Variants in SEC24D observed in about 807,000 individuals in gnomAD.
SEC24D encodes the protein protein transport protein Sec24D.
A neutral mutation model predicts 116.9 loss-of-function variants in SEC24D; 69 were observed. That is an observed-to-expected ratio of 0.59 (90% confidence interval 0.49 to 0.72). SEC24D has a LOEUF of 0.72. SEC24D is among the 30% of genes least tolerant of loss of function. The pLI, the probability that SEC24D is intolerant of heterozygous loss-of-function variation, is 0.00. For missense variants in SEC24D, 1,131 were observed against 1,264.1 expected, an observed-to-expected ratio of 0.89 and a Z score of 1.60; for synonymous variants, 405 against 442.8, an observed-to-expected ratio of 0.91 and a Z score of 1.07.
chr4:118,788,927 C>T (rs1404713938), intron 8 of SEC24D, among the ~76,000 whole-genome samples: 1 of 152,154 alleles, frequency 6.6e-6, no homozygotes, highest in East Asian at 1.9e-4. Flanking sequence ...CAACTAAGAC[C>T]TCTATGCCCA....
chr4:118,790,928 A>C (rs1389262881), intron 8 of SEC24D, among the ~76,000 whole-genome samples: 1 of 150,206 alleles, frequency 6.7e-6, no homozygotes, highest in Non-Finnish European at 1.5e-5. Flanking sequence ...ACTAACACTG[A>C]AATAAATCAT....
At chr4:118,794,246 A>C (rs1729076348) in intron 8 of SEC24D, among the ~76,000 whole-genome samples, 1 of 152,210 alleles carries the variant, frequency 6.6e-6, no homozygotes, top group South Asian at 2.1e-4. Context: ...TCCAGAAGAC[A>C]TTAGTGAATA....
At chr4:118,821,800 C>A (rs577617769) in intron 3 of SEC24D, among the ~76,000 whole-genome samples, 1 of 152,214 alleles carries the variant, frequency 6.6e-6, no homozygotes, top group Non-Finnish European at 1.5e-5. Context: ...CCTTGCATTG[C>A]GCTACATTCA....
chr4:118,766,113 C>A (rs1024864868), intron 9 of SEC24D, among the ~76,000 whole-genome samples: 1 of 151,722 alleles, frequency 6.6e-6, no homozygotes, highest in African/African-American at 2.4e-5. Flanking sequence ...GTATAACATA[C>A]AATTCATTCA....
intron 11 of SEC24D, among the ~76,000 whole-genome samples, chr4:118,755,158 C>A (rs1727024811): frequency 6.6e-6 from 1 of 152,044 alleles, no homozygotes; most frequent in Non-Finnish European, 1.5e-5. Context: ...ACAGAACTGT[C>A]CTAAAATTTT....
intron 2 of SEC24D, among the ~76,000 whole-genome samples, chr4:118,832,611 C>T (rs1730910719): frequency 6.6e-6 from 1 of 152,204 alleles, no homozygotes; most frequent in Admixed American, 6.5e-5. Context: ...GGTGCTACTA[C>T]TTGCTGTCTG....
intron 4 of SEC24D, chr4:118,816,752 C>G (rs1029942254): frequency 1.5e-5 from 7 of 453,902 alleles, no homozygotes; most frequent in African/African-American, 1.4e-4. Flanking sequence ...ACAGGATATA[C>G]AGCATTTCTG....
intron 12 of SEC24D, 63 bp downstream of exon 12, chr4:118,752,632 AAC>A: frequency 1.4e-5 from 16 of 1,125,368 alleles, no homozygotes; most frequent in South Asian, 4.3e-5. Flanking sequence ...ATTGAATCAA[AAC>A]ACAGTGCAAT....
intron 15 of SEC24D, among the ~76,000 whole-genome samples, chr4:118,743,650 C>G (rs1726348125): frequency 1.3e-5 from 2 of 152,182 alleles, no homozygotes; most frequent in Admixed American, 1.3e-4. Context: ...AGGCATTGGG[C>G]CACTGTGCCC....
chr4:118,776,684 T>C (rs974148370), intron 8 of SEC24D, among the ~76,000 whole-genome samples: 1 of 152,198 alleles, frequency 6.6e-6, no homozygotes, highest in Non-Finnish European at 1.5e-5. Flanking sequence ...TCCAGAATCT[T>C]ATGCTTGAGC....
chr4:118,833,551 A>T, intron 2 of SEC24D, 28 bp downstream of exon 2: 2 of 1,453,662 alleles, frequency 1.4e-6, no homozygotes, highest in South Asian at 1.2e-5. Context: ...CTGAATAATC[A>T]CATACAAGTC....
intron 8 of SEC24D, among the ~76,000 whole-genome samples, chr4:118,792,814 C>A (rs1728989905): frequency 6.6e-6 from 1 of 152,208 alleles, no homozygotes; most frequent in South Asian, 2.1e-4. Flanking sequence ...TGTTTATCTG[C>A]TGACCTTCCC....
At chr4:118,745,332 T>G (rs1419348258) in intron 13 of SEC24D, among the ~76,000 whole-genome samples, 1 of 152,140 alleles carries the variant, frequency 6.6e-6, no homozygotes, top group African/African-American at 2.4e-5. Context: ...TCATAACACT[T>G]TAAAAAAACT....
chr4:118,723,044 A>G lies in SEC24D; in HGVS notation c.*471T>C, dbSNP rs974958793. The G allele has an allele frequency of 5.2e-5, 8 of 152,714 alleles. No homozygotes were observed. The highest frequency in any genetic ancestry group is 1.7e-4 in the African/African-American group (7 of 41,474). 9.5% of individuals were successfully genotyped at this position (152,714 alleles called of 1,614,324 possible). On this transcript the variant is annotated 3_prime_UTR_variant, in exon 23 of 23. Transcript: ENST00000280551. ...ATCCCAAGGTTATTAAAAGTCTGCT[A>G]TGCAGACCTTAAGTTGAAAAATGTG...
At chr4:118,770,776 C>T (rs151063663) in intron 8 of SEC24D, among the ~76,000 whole-genome samples, 1 of 152,262 alleles carries the variant, frequency 6.6e-6, no homozygotes, top group East Asian at 1.9e-4. Flanking sequence ...CATTCCAGTC[C>T]TGACAGATTC....
chr4:118,825,673 A>G (rs979609101), intron 2 of SEC24D: 2 of 418,192 alleles, frequency 4.8e-6, no homozygotes, highest in Non-Finnish European at 9.2e-6. Context: ...AGCTTCTAGA[A>G]AGAAAAAAAG....
chr4:118,741,399 C>G (rs1726216482), intron 15 of SEC24D, among the ~76,000 whole-genome samples: 1 of 152,056 alleles, frequency 6.6e-6, no homozygotes, highest in South Asian at 2.1e-4. Flanking sequence ...AGGGAAAGAC[C>G]TTGCAATTGG....
In SEC24D at chr4:118,757,723, T is replaced by C. The variant is rs1578404591; in HGVS notation, c.1419A>G (p.Pro473=). The change falls in exon 11 of 23, where the codon CCA becomes CCG. Residue 473 remains proline (P), a splice_region_variant and synonymous_variant. Transcript: ENST00000280551. ...AAAAAGAATGACGGTTGCCTTACTT[T>C]GGAATTTTTTCCAGCATGGTCTTCA... is the stretch of plus-strand genomic sequence containing the variant. ...EELKTMLEKI[P]KEEQEETSAI... is the part of the protein sequence containing the mutation. 1 of 1,605,182 alleles carries C rather than the reference T, an allele frequency of 6.2e-7. No homozygotes were observed. Among genetic ancestry groups the C allele is most frequent in the Admixed American group, 1.7e-5 (1 of 57,452 alleles).
At chr4:118,726,827 G>C (rs1473767461) in intron 22 of SEC24D, among the ~76,000 whole-genome samples, 1 of 152,132 alleles carries the variant, frequency 6.6e-6, no homozygotes, top group Admixed American at 6.5e-5. Context: ...TAAGGTCTAA[G>C]AGGACTGTTT....
Sources: allele counts gnomAD v4.1 joint callset (sites outside exome capture counted in the v4.1 genomes callset), GRCh38; gene constraint gnomAD v4.1.1; transcripts MANE v1.5; gene names NCBI Gene and HGNC (gene_info 2026-07-23, HGNC 2026-07-21).